Variants in SCFD1 observed in about 807,000 individuals in gnomAD.
SCFD1 encodes the protein sec1 family domain-containing protein 1.
SCFD1 carries 37 observed loss-of-function variants against 103.2 expected under a neutral mutation model. The observed-to-expected ratio is 0.36, with a 90% confidence interval of 0.28 to 0.47. The LOEUF (loss-of-function observed/expected upper bound fraction) is 0.47. SCFD1 is among the 20% of genes least tolerant of loss of function. The pLI is 1.00. For missense variants in SCFD1, 639 were observed against 761.2 expected (o/e 0.84, Z 1.89); for synonymous variants, 264 against 245.0 (o/e 1.08, Z -0.73).
chr14:30,628,505 CTT>C (rs929910727), intron 2 of SCFD1, among the ~76,000 whole-genome samples: 3 of 152,118 alleles, frequency 2.0e-5, no homozygotes, highest in African/African-American at 7.2e-5. Flanking sequence ...CAGTTGATCT[CTT>C]TGGTAGGATG....
chr14:30,717,423 G>T (rs1365785680), intron 20 of SCFD1, among the ~76,000 whole-genome samples: 5 of 152,138 alleles, frequency 3.3e-5, no homozygotes, highest in African/African-American at 1.2e-4. Context: ...GCTACATTGA[G>T]CCAAGATTGT....
At chr14:30,671,914 A>T (rs1429243709) in intron 11 of SCFD1, among the ~76,000 whole-genome samples, 1 of 151,912 alleles carries the variant, frequency 6.6e-6, no homozygotes, top group Non-Finnish European at 1.5e-5. Context: ...TTAAGTTATG[A>T]TAGTTACCTC....
chr14:30,671,020 T>G, intron 11 of SCFD1, among the ~76,000 whole-genome samples: 1 of 152,084 alleles, frequency 6.6e-6, no homozygotes, highest in East Asian at 1.9e-4. Context: ...AACAAAAATA[T>G]TATTCCTCAG....
intron 10 of SCFD1, among the ~76,000 whole-genome samples, chr14:30,665,180 T>C (rs940973378): frequency 6.6e-6 from 1 of 152,228 alleles, no homozygotes; most frequent in Non-Finnish European, 1.5e-5. Flanking sequence ...CCCATCCGAC[T>C]AACAGTGGAT....
chr14:30,658,149 ATC>A (rs757917179), intron 10 of SCFD1: 3 of 449,682 alleles, frequency 6.7e-6, no homozygotes, highest in Non-Finnish European at 8.9e-6. Context: ...ACATTATTTT[ATC>A]TCTGTTTTTT....
intron 10 of SCFD1, among the ~76,000 whole-genome samples, chr14:30,662,716 A>G (rs1164987807): frequency 6.6e-6 from 1 of 152,228 alleles, no homozygotes; most frequent in Non-Finnish European, 1.5e-5. Context: ...TTGCCTGTGA[A>G]CTGCAAGTCT....
At chr14:30,674,088 A>G in intron 13 of SCFD1, 91 bp downstream of exon 13, 2 of 802,004 alleles carry the variant, frequency 2.5e-6, no homozygotes, top group Non-Finnish European at 2.0e-6. Flanking sequence ...TTTAACTAGT[A>G]GGAAACTGTA....
intron 8 of SCFD1, 67 bp downstream of exon 8, chr14:30,649,650 C>G (rs1275087923): frequency 8.5e-7 from 1 of 1,180,084 alleles, no homozygotes; most frequent in Non-Finnish European, 1.2e-6. Context: ...ACAAGTAACG[C>G]AACTGTTTTG....
chr14:30,703,910 CAT>C (rs71443380), intron 17 of SCFD1, among the ~76,000 whole-genome samples: 447 of 39,366 alleles, frequency 0.011, no homozygotes, highest in Middle Eastern at 0.042. Flanking sequence ...GGAATATTTG[CAT>C]ATATATATAT....
rs1332036666 is a variant in SCFD1, at chr14:30,623,490, C to G, written c.61+1091C>G. Among the ~76,000 whole-genome samples the G allele has an allele frequency of 2.6e-5, 4 of 152,126 alleles. No individual in the cohort carries two copies. In the East Asian group the frequency reaches 7.7e-4, roughly 29 times the overall value. ...ACCTATCAGGTGAAGTCAGGCATAA[C>G]TAAATATAGGGAAGTTCAAATAAGA... is the stretch of plus-strand genomic sequence containing the variant. On this transcript the variant is annotated intron_variant, in intron 1 of 24. Coordinates refer to ENST00000458591, the MANE Select transcript of SCFD1 (RefSeq NM_016106.4).
At chr14:30,699,431 C>CA (rs1003814570) in intron 15 of SCFD1, among the ~76,000 whole-genome samples, 1 of 152,012 alleles carries the variant, frequency 6.6e-6, no homozygotes, top group African/African-American at 2.4e-5. Context: ...ACCTTTCCAC[C>CA]AAAGTGCACA....
chr14:30,645,503 T>A (rs997350490), intron 7 of SCFD1, among the ~76,000 whole-genome samples: 1 of 152,210 alleles, frequency 6.6e-6, no homozygotes. Flanking sequence ...ATCTCTGATT[T>A]CTTTTCGTTT....
chr14:30,714,114 G>A (rs1007112723), intron 19 of SCFD1, among the ~76,000 whole-genome samples: 12 of 151,786 alleles, frequency 7.9e-5, no homozygotes, highest in East Asian at 1.9e-4. Flanking sequence ...TTGGGAGGCC[G>A]AGGCAGGTGG....
intron 14 of SCFD1, among the ~76,000 whole-genome samples, chr14:30,691,170 A>G (rs1046799429): frequency 2.6e-5 from 4 of 152,096 alleles, no homozygotes; most frequent in African/African-American, 7.2e-5. Flanking sequence ...TACTACTTCT[A>G]CTCTGGTAGT....
At chr14:30,630,197 T>C (rs1266470291) in intron 2 of SCFD1, among the ~76,000 whole-genome samples, 3 of 152,198 alleles carry the variant, frequency 2.0e-5, no homozygotes, top group Non-Finnish European at 4.4e-5. Flanking sequence ...AACGTATTAC[T>C]GCCTGGATGG....
rs759825546 is a variant in SCFD1 at position 30,721,907 on chromosome 14, C to T, written c.1760C>T (p.Pro587Leu). Residue 587 changes from proline to leucine, a missense_variant, in exon 22 of 25, where the codon CCA becomes CTA. By Grantham distance (98) the Pro-to-Leu change is moderately conservative. Transcript: ENST00000458591. Reference protein sequence around the residue: ...NDSSVPRNKNPFQEAIVFVVG... With the variant: ...NDSSVPRNKNLFQEAIVFVVG... ...AGCTCAGTTCCCAGAAATAAAAATC[C>T]ATTCCAAGAGGTAAGTTTCATATAA... is the stretch of plus-strand genomic sequence containing the variant. The T allele has an allele frequency of 7.5e-6, 12 of 1,608,144 alleles. No individual in the cohort carries two copies. The highest frequency in any genetic ancestry group is 2.7e-5 in the African/African-American group (2 of 74,634).
intron 15 of SCFD1, among the ~76,000 whole-genome samples, chr14:30,697,878 A>C (rs756608408): frequency 5.9e-5 from 9 of 152,264 alleles, no homozygotes; most frequent in Non-Finnish European, 8.8e-5. Flanking sequence ...TGTATGTGGC[A>C]CATGATTCTG....
chr14:30,724,876 AGAGGTCCGGTTT>A (rs1295276904), intron 23 of SCFD1, among the ~76,000 whole-genome samples: 17 of 152,166 alleles, frequency 1.1e-4, no homozygotes, highest in Non-Finnish European at 2.1e-4. Flanking sequence ...GGTGTAAGGA[AGAGGTCCGGTTT>A]GAGTTTTCTG....
chr14:30,657,113 G>T (rs551708114), intron 10 of SCFD1, among the ~76,000 whole-genome samples: 3 of 152,004 alleles, frequency 2.0e-5, no homozygotes, highest in African/African-American at 7.2e-5. Flanking sequence ...CAGTGGTGTT[G>T]GTGTTAAGGC....
Sources: gnomAD v4.1 joint callset for allele counts (sites outside exome capture counted in the v4.1 genomes callset) on GRCh38, gnomAD v4.1.1 for gene constraint, MANE v1.5 for transcripts, NCBI Gene and HGNC (gene_info 2026-07-23, HGNC 2026-07-21) for gene names.